Variants in MARK2 observed in about 807,000 individuals in gnomAD.
The protein encoded by MARK2 is microtubule affinity regulating kinase 2, also known as serine/threonine-protein kinase MARK2.
Under a neutral mutation model 89.8 loss-of-function variants are expected in MARK2, and 16 were observed. The ratio of observed to expected loss-of-function variants is 0.18; its 90% CI spans 0.12 to 0.27. MARK2 has a LOEUF of 0.27. Among genes scored for constraint, MARK2 ranks in the 10% least tolerant of loss-of-function variants. The pLI, the probability that MARK2 is intolerant of heterozygous loss-of-function variation, is 1.00. For missense variants in MARK2, 621 were observed against 1,049.9 expected (o/e 0.59, Z 5.65); for synonymous variants, 382 against 399.5 (o/e 0.96, Z 0.52).
At chr11:63,885,086 C>T (rs1939314433) in intron 1 of MARK2, among the ~76,000 whole-genome samples, 1 of 151,822 alleles carries the variant, frequency 6.6e-6, no homozygotes, top group African/African-American at 2.4e-5. Context: ...GCCTGTAGCC[C>T]CAGGTATTCA....
chr11:63,849,755 A>G (rs1291511746), intron 1 of MARK2, among the ~76,000 whole-genome samples: 1 of 152,168 alleles, frequency 6.6e-6, no homozygotes, highest in Non-Finnish European at 1.5e-5. Context: ...TTTGTCTCAA[A>G]CAAACAATAA....
rs531996891 is a variant in MARK2 at position 63,889,498 on chromosome 11, G to A, written c.55-5661G>A. Among the ~76,000 whole-genome samples the A allele has an allele frequency of 1.3e-4, 20 of 152,328 alleles. No homozygotes were observed. In the East Asian group the frequency reaches 2.9e-3, roughly 22 times the overall value. ...AGGAGCCTCCAGCATTAGGGCAGGG[G>A]CCCTGCCTACCTGAGTCAGCGCCAG... On this transcript the variant is annotated intron_variant, in intron 1 of 18. Coordinates refer to ENST00000402010, the MANE Select transcript of MARK2 (RefSeq NM_001039469.3).
chr11:63,908,646 C>A (rs1941543352), intron 18 of MARK2, among the ~76,000 whole-genome samples: 1 of 152,208 alleles, frequency 6.6e-6, no homozygotes, highest in Non-Finnish European at 1.5e-5. Context: ...CTGGTGTCTT[C>A]CCTGACCCCA....
chr11:63,879,081 GA>G lies in MARK2; in HGVS notation c.55-16077del, dbSNP rs1359567869. Among the ~76,000 whole-genome samples, 13 of 152,248 alleles carry G rather than the reference GA, an allele frequency of 8.5e-5. No homozygotes were observed. In the East Asian group the frequency reaches 2.3e-3, roughly 27 times the overall value. On this transcript the variant is annotated intron_variant, in intron 1 of 18. Coordinates refer to ENST00000402010, the MANE Select transcript of MARK2 (RefSeq NM_001039469.3). ...GCACTTTGGGAGGCCGAGGCAGGCA[GA>G]TCACTTGAGGACAGGAGTTTGAGAC...
In MARK2 at chr11:63,888,963, G is replaced by A. The variant is rs74571022; in HGVS notation, c.55-6196G>A. 2.4e-5 allele frequency: 32 copies of A among 1,351,476 alleles called. 1 individual carries two copies. Among genetic ancestry groups the A allele is most frequent in the African/African-American group, 8.8e-5 (6 of 67,800 alleles). 83.7% of individuals were successfully genotyped at this position (1,351,476 alleles called of 1,614,324 possible). On this transcript the variant is annotated intron_variant, in intron 1 of 18. Transcript: ENST00000402010. ...GTAGTCCTTTTCCCTTTCTCCAGTC[G>A]GGTATGTTGTCCCCCTTTTTACTCT...
intron 1 of MARK2, among the ~76,000 whole-genome samples, chr11:63,866,107 T>G (rs1322958718): frequency 6.6e-6 from 1 of 152,114 alleles, no homozygotes. Flanking sequence ...ATAGTGTTAC[T>G]TTGGGTGGTC....
intron 1 of MARK2, among the ~76,000 whole-genome samples, chr11:63,889,258 G>T (rs1939632434): frequency 6.6e-6 from 1 of 152,162 alleles, no homozygotes; most frequent in Admixed American, 6.5e-5. Flanking sequence ...CAGTGAGGGG[G>T]AGCCTAGGAT....
intron 1 of MARK2, among the ~76,000 whole-genome samples, chr11:63,886,490 T>A (rs1038995280): frequency 2.0e-5 from 3 of 151,696 alleles, no homozygotes; most frequent in African/African-American, 7.3e-5. Flanking sequence ...AGTGGTGCAA[T>A]CTCTGCTCAC....
At chr11:63,901,115 C>CTG in intron 11 of MARK2, 46 bp downstream of exon 11, 2 of 1,248,068 alleles carry the variant, frequency 1.6e-6, no homozygotes, top group Non-Finnish European at 2.4e-6. Flanking sequence ...GCCTCACTGT[C>CTG]TGTAGCACCT....
Position 63,902,999 on chromosome 11 carries a change from G to A in MARK2, c.1417-62G>A. Reference sequence around the variant, plus strand: ...GAAGCCTGTTCCATGAACCTGGGGGGAGAACCTGGCTGTAGACCACTTTGG... The same window carrying A: ...GAAGCCTGTTCCATGAACCTGGGGGAAGAACCTGGCTGTAGACCACTTTGG... On this transcript the variant is annotated intron_variant, in intron 13 of 18. Transcript: ENST00000402010. This position sits in a 1 kb window ranked among gnomAD's most constrained non-coding sequence, Gnocchi z 4.2. 1 of 1,417,354 alleles carries A rather than the reference G, an allele frequency of 7.1e-7. No homozygotes were observed. Among genetic ancestry groups the A allele is most frequent in the Non-Finnish European group, 1.0e-6 (1 of 1,002,854 alleles). 87.8% of individuals were successfully genotyped at this position (1,417,354 alleles called of 1,614,324 possible). A position where few individuals can be genotyped will look rare whatever the true frequency, so the allele number is the denominator to read the frequency against.
intron 16 of MARK2, among the ~76,000 whole-genome samples, chr11:63,905,521 T>C (rs1941254887): frequency 6.6e-6 from 1 of 152,220 alleles, no homozygotes; most frequent in African/African-American, 2.4e-5. Flanking sequence ...GCCATGCCCT[T>C]CTGCCCGGGG....
At chr11:63,907,827 G>T (rs1941468520) in intron 17 of MARK2, among the ~76,000 whole-genome samples, 1 of 152,230 alleles carries the variant, frequency 6.6e-6, no homozygotes, top group Non-Finnish European at 1.5e-5. Context: ...CAAAAGGACT[G>T]CAGTCCTGAG....
intron 1 of MARK2, among the ~76,000 whole-genome samples, chr11:63,851,616 G>A (rs2016575817): frequency 6.6e-6 from 1 of 151,914 alleles, no homozygotes; most frequent in African/African-American, 2.4e-5. Context: ...TCCCTAACCT[G>A]TTTCTGTGCC....
chr11:63,852,321 C>A (rs779937397), intron 1 of MARK2, among the ~76,000 whole-genome samples: 1 of 152,260 alleles, frequency 6.6e-6, no homozygotes, highest in African/African-American at 2.4e-5. Context: ...TTGTACACTT[C>A]ATTACTGTCT....
intron 1 of MARK2, among the ~76,000 whole-genome samples, chr11:63,854,912 G>A (rs985657686): frequency 6.6e-6 from 1 of 151,972 alleles, no homozygotes; most frequent in Admixed American, 6.6e-5. Context: ...ACATGTGTTG[G>A]AGCTGAACCA....
chr11:63,888,849 C>G (rs1459292748), intron 1 of MARK2: 3 of 1,308,506 alleles, frequency 2.3e-6, no homozygotes, highest in South Asian at 2.4e-5. Flanking sequence ...CGGCAGCCCC[C>G]GCCCTAGGCC....
intron 18 of MARK2, among the ~76,000 whole-genome samples, chr11:63,908,612 T>C (rs1941541104): frequency 6.6e-6 from 1 of 152,010 alleles, no homozygotes; most frequent in African/African-American, 2.4e-5. Context: ...GGAGAGAGAG[T>C]CTGTGCTCGT....
chr11:63,883,172 A>T, intron 1 of MARK2, among the ~76,000 whole-genome samples: 1 of 152,096 alleles, frequency 6.6e-6, no homozygotes, highest in Admixed American at 6.5e-5. Flanking sequence ...CTTTTCTGGG[A>T]GGAGGGAGTT....
rs759575821 is a variant in MARK2 at position 63,908,859 on chromosome 11, C to T, written c.2007-18C>T. The T allele has an allele frequency of 6.8e-6, 10 of 1,471,880 alleles. No homozygotes were observed. The South Asian group carries it at 1.2e-4, about 17-fold the overall frequency. The allele number at this position is 1,471,880 out of a possible 1,614,324, so 91.2% of individuals were successfully genotyped here. A position where few individuals can be genotyped will look rare whatever the true frequency, so the allele number is the denominator to read the frequency against. On this transcript the variant is annotated intron_variant, in intron 18 of 18. Coordinates refer to ENST00000402010, the MANE Select transcript of MARK2 (RefSeq NM_001039469.3). ...TGCCTCAGCCCCCCCGTGACGCCCG[C>T]CTCTGCCCTCTCCACAGACCTCACG...
Sources: allele counts gnomAD v4.1 joint callset (sites outside exome capture counted in the v4.1 genomes callset), GRCh38; gene constraint gnomAD v4.1.1; non-coding constraint Gnocchi (gnomAD v3.1); transcripts MANE v1.5; gene names NCBI Gene and HGNC (gene_info 2026-07-23, HGNC 2026-07-21).